TRPV4: variants seen among roughly 807,000 people sequenced by gnomAD.
TRPV4 encodes the protein OSM9-like transient receptor potential channel 4.
A neutral mutation model predicts 84.1 loss-of-function variants in TRPV4; 58 were observed. The ratio of observed to expected loss-of-function variants is 0.69; its 90% CI spans 0.56 to 0.86. TRPV4 has a LOEUF of 0.86. Ranked by LOEUF, TRPV4 falls within the 40% of genes least tolerant of loss-of-function variation. The pLI is 0.00. For missense variants in TRPV4, 879 were observed against 1,181.1 expected (o/e 0.74, Z 3.75); for synonymous variants, 489 against 500.9 (o/e 0.98, Z 0.32).
chr12:109,811,047 G>A (rs1385248088), intron 2 of TRPV4, among the ~76,000 whole-genome samples: 2 of 152,052 alleles, frequency 1.3e-5, no homozygotes, highest in African/African-American at 2.4e-5. Flanking sequence ...CCAGCCTTAG[G>A]CCCTTGCACT....
chr12:109,785,098 T>G (rs923635047), intron 14 of TRPV4, among the ~76,000 whole-genome samples: 1 of 152,128 alleles, frequency 6.6e-6, no homozygotes, highest in Non-Finnish European at 1.5e-5. Flanking sequence ...CACAGCTCAC[T>G]GCAACCTTGA....
Position 109,793,907 on chromosome 12 carries a change from G to GA in TRPV4, c.1584+22_1584+23insT. On this transcript the variant is annotated intron_variant, in intron 9 of 15. Transcript: ENST00000261740. The surrounding 1 kb of genome is among the most constrained non-coding windows in gnomAD (Gnocchi z 4.0). ...AGAAGAGGAGGGCAGGCAGGGTGGG[G>GA]GGCACGGGGGCCAGGCACTTACGTT... 6.4e-7 allele frequency: 1 copy of GA among 1,572,304 alleles called. No homozygotes were observed. The highest frequency in any genetic ancestry group is 1.1e-5 in the South Asian group (1 of 87,362).
chr12:109,816,543 C>T (rs1448598943), intron 1 of TRPV4, among the ~76,000 whole-genome samples: 1 of 152,054 alleles, frequency 6.6e-6, no homozygotes, highest in East Asian at 1.9e-4. Flanking sequence ...TTTGGGAGGC[C>T]GAGGCGGGTG....
chr12:109,812,774 A>G (rs1203252132), intron 2 of TRPV4, among the ~76,000 whole-genome samples: 1 of 152,226 alleles, frequency 6.6e-6, no homozygotes, highest in Non-Finnish European at 1.5e-5. Context: ...AACAGTGGGT[A>G]GGTGAGAAGA....
At chr12:109,790,639 T>A (rs1346325318) in intron 12 of TRPV4, among the ~76,000 whole-genome samples, 1 of 152,002 alleles carries the variant, frequency 6.6e-6, no homozygotes, top group Non-Finnish European at 1.5e-5. Flanking sequence ...TCCTGCACTT[T>A]GGGAGGCTGA....
At chr12:109,829,801 T>C (rs910995967) in intron 1 of TRPV4, among the ~76,000 whole-genome samples, 4 of 152,218 alleles carry the variant, frequency 2.6e-5, no homozygotes, top group African/African-American at 9.6e-5. Flanking sequence ...CGGATGCAGT[T>C]TAAGCCCAGG....
rs139580010 is a variant in TRPV4 at position 109,783,678 on chromosome 12, G to C, written c.2559C>G (p.Cys853Trp). The C allele has an allele frequency of 6.2e-7, 1 of 1,613,816 alleles. No homozygotes were observed. The highest frequency in any genetic ancestry group is 8.5e-7 in the Non-Finnish European group (1 of 1,179,992). Residue 853 changes from cysteine (C) to tryptophan (W), a missense_variant, in exon 16 of 16, where the codon TGC becomes TGG. By Grantham distance (215) the Cys-to-Trp change is radical. Coordinates refer to ENST00000261740, the MANE Select transcript of TRPV4 (RefSeq NM_021625.5). The surrounding 1 kb of genome is among the most constrained non-coding windows in gnomAD (Gnocchi z 4.6). ...GGGGGTAACCCTGCTGGTGGCCATCGCAGCGGGGGTTCCCCATGCTGTCCA... is the reference window on the plus strand; with the variant it reads ...GGGGGTAACCCTGCTGGTGGCCATCCCAGCGGGGGTTCCCCATGCTGTCCA... ...VPLDSMGNPR[C>W]DGHQQGYPRK...
chr12:109,799,036 T>A, intron 5 of TRPV4, 124 bp from the exon 6 acceptor site: 1 of 953,288 alleles, frequency 1.0e-6, no homozygotes, highest in Non-Finnish European at 1.6e-6. Flanking sequence ...GCACCAGCAG[T>A]GGATATGAAC....
intron 13 of TRPV4, among the ~76,000 whole-genome samples, chr12:109,787,477 C>T (rs1208782903): frequency 6.6e-6 from 1 of 152,132 alleles, no homozygotes; most frequent in African/African-American, 2.4e-5. Flanking sequence ...AGGTGGTGCA[C>T]ACCTTAGCCC....
chr12:109,809,664 T>C (rs971854037), intron 2 of TRPV4, among the ~76,000 whole-genome samples: 1 of 148,354 alleles, frequency 6.7e-6, no homozygotes, highest in Admixed American at 6.7e-5. Context: ...CATCCATCCA[T>C]CCATCCATCC....
At chr12:109,822,164 C>T (rs954147703) in intron 1 of TRPV4, among the ~76,000 whole-genome samples, 1 of 127,218 alleles carries the variant, frequency 7.9e-6, no homozygotes, top group Non-Finnish European at 1.6e-5. Flanking sequence ...GCCTGGGGCA[C>T]AGGGAGAAGG....
chr12:109,795,208 C>A (rs929563528), intron 7 of TRPV4, among the ~76,000 whole-genome samples: 2 of 152,166 alleles, frequency 1.3e-5, no homozygotes, highest in Admixed American at 1.3e-4. Context: ...ATTGACTCAC[C>A]ACAATTCTCC....
In TRPV4 at chr12:109,786,487, G is replaced by A. The variant is rs149941287; in HGVS notation, c.2336+223C>T. Among the ~76,000 whole-genome samples the A allele has an allele frequency of 6.6e-6, 1 of 152,362 alleles. No individual in the cohort carries two copies. Among genetic ancestry groups the A allele is most frequent in the Non-Finnish European group, 1.5e-5 (1 of 68,036 alleles). ...TCTAATCCGCACCGCCAGCCTAGGA[G>A]CCCGTGAGATCATTGTCTCATTCCA... On this transcript the variant is annotated intron_variant, in intron 14 of 15. Transcript: ENST00000261740. This position sits in a 1 kb window ranked among gnomAD's most constrained non-coding sequence, Gnocchi z 4.5.
chr12:109,818,481 C>G (rs1231639914), intron 1 of TRPV4, among the ~76,000 whole-genome samples: 1 of 152,136 alleles, frequency 6.6e-6, no homozygotes, highest in Non-Finnish European at 1.5e-5. Context: ...TGAGGTCACA[C>G]AGCAGGTTAG....
In TRPV4 at chr12:109,800,631, GC is replaced by G. The variant is rs775623038; in HGVS notation, c.839del (p.Gly280AlafsTer25). 2.5e-6 allele frequency: 4 copies of G among 1,614,086 alleles called. No homozygotes were observed. Among genetic ancestry groups the G allele is most frequent in the African/African-American group, 2.7e-5 (2 of 74,940 alleles). On this transcript the variant is annotated frameshift_variant, in exon 5 of 16. Transcript: ENST00000261740. LOFTEE classifies it high-confidence loss of function. Reference sequence around the variant, plus strand: ...GCCCCTCCTTACCAAAGTAGAAGTAGCCCCCCTCATCCTTGGGCTGGAAGAA... The same window carrying G: ...GCCCCTCCTTACCAAAGTAGAAGTAGCCCCCTCATCCTTGGGCTGGAAGAA... ...GRFFQPKDEG[G>X]YFYFGELPLS...
chr12:109,807,412 T>C (rs1592852176), intron 3 of TRPV4, among the ~76,000 whole-genome samples: 1 of 144,784 alleles, frequency 6.9e-6, no homozygotes, highest in East Asian at 2.0e-4. Context: ...TTTTTTTTCC[T>C]GTCTGTCACC....
At chr12:109,818,817 C>T (rs1235373813) in intron 1 of TRPV4, among the ~76,000 whole-genome samples, 9 of 152,196 alleles carry the variant, frequency 5.9e-5, no homozygotes, top group African/African-American at 1.4e-4. Context: ...CATGCACACA[C>T]GTGCCAGCAC....
intron 2 of TRPV4, among the ~76,000 whole-genome samples, chr12:109,813,247 T>C (rs1313175784): frequency 6.6e-6 from 1 of 152,012 alleles, no homozygotes; most frequent in Non-Finnish European, 1.5e-5. Context: ...CTGTCTCTAC[T>C]AAAAATACAA....
chr12:109,822,163 A>G (rs1488713752), intron 1 of TRPV4, among the ~76,000 whole-genome samples: 1 of 146,230 alleles, frequency 6.8e-6, no homozygotes, highest in Non-Finnish European at 1.5e-5. Context: ...GGCCTGGGGC[A>G]CAGGGAGAAG....
Sources: allele counts gnomAD v4.1 joint callset (sites outside exome capture counted in the v4.1 genomes callset), GRCh38; gene constraint gnomAD v4.1.1; non-coding constraint Gnocchi (gnomAD v3.1); transcripts MANE v1.5; gene names NCBI Gene and HGNC (gene_info 2026-07-23, HGNC 2026-07-21).